The following SLC25A48 variants were observed in gnomAD, a reference collection of about 807,000 sequenced individuals.
The protein encoded by SLC25A48 is CTC-321K16.1.
SLC25A48 carries 29 observed loss-of-function variants against 32.2 expected under a neutral mutation model. That is an observed-to-expected ratio of 0.90 (90% CI 0.67 to 1.23). The LOEUF (loss-of-function observed/expected upper bound fraction) is 1.23, where lower values mean the gene tolerates loss of function less well. SLC25A48 is among the 50% of genes most tolerant of loss of function. The pLI is 0.00. For synonymous variants in SLC25A48, 164 were observed against 172.3 expected, an observed-to-expected ratio of 0.95 and a Z score of 0.38; for missense variants, 399 against 422.7, an observed-to-expected ratio of 0.94 and a Z score of 0.49.
intron 3 of SLC25A48, among the ~76,000 whole-genome samples, chr5:135,734,289 C>G (rs576162783): frequency 6.6e-6 from 1 of 152,110 alleles, no homozygotes; most frequent in Admixed American, 6.5e-5. Context: ...AGGTGTGGCT[C>G]TAGCCTAGGA....
intron 1 of SLC25A48, among the ~76,000 whole-genome samples, chr5:135,835,336 G>T (rs1025194000): frequency 1.3e-5 from 2 of 150,124 alleles, no homozygotes; most frequent in East Asian, 3.9e-4. Flanking sequence ...AGATTAGGCC[G>T]GCCCAACGGG....
rs1761635436 is a variant in SLC25A48 at position 135,871,461 on chromosome 5, C to T, written c.422C>T (p.Ala141Val). 1.9e-6 allele frequency: 3 copies of T among 1,580,718 alleles called. No individual in the cohort carries two copies. The South Asian group carries it at 3.5e-5, about 18-fold the overall frequency. ...LQMQTQPFRD[A>V]NLGLKSRAVA... is the part of the protein sequence containing the mutation. ...CACCTTCTCTCCCCTGTCTTTGCAG[C>T]CAACCTCGGTTTGAAGTCCAGGGCA... Residue 141 changes from alanine (A) to valine (V), a missense_variant and splice_region_variant, in exon 5 of 8, where the codon GCC becomes GTC. Ala to Val is a moderately conservative substitution (Grantham distance 64). Coordinates refer to ENST00000681962, the MANE Select transcript of SLC25A48 (RefSeq NM_001349336.2).
At chr5:135,598,875 C>T (rs936178470) in intron 1 of SLC25A48, among the ~76,000 whole-genome samples, 10 of 152,098 alleles carry the variant, frequency 6.6e-5, no homozygotes, top group Admixed American at 5.9e-4. Context: ...AGTCTGTGGT[C>T]GGTGGTCTCT....
chr5:135,771,425 G>A (rs572945522), intron 3 of SLC25A48, among the ~76,000 whole-genome samples: 3 of 151,670 alleles, frequency 2.0e-5, no homozygotes, highest in East Asian at 3.9e-4. Flanking sequence ...GATATGATTC[G>A]TATTATTCAG....
intron 3 of SLC25A48, among the ~76,000 whole-genome samples, chr5:135,643,558 C>T (rs1752889046): frequency 6.6e-6 from 1 of 152,222 alleles, no homozygotes; most frequent in Admixed American, 6.5e-5. Flanking sequence ...GTGACTTGCC[C>T]TCTGCCCCAC....
chr5:135,775,926 C>T (rs995647498), intron 3 of SLC25A48, among the ~76,000 whole-genome samples: 7 of 151,648 alleles, frequency 4.6e-5, no homozygotes, highest in African/African-American at 1.7e-4. Flanking sequence ...AAGTGTACAC[C>T]CCCACTGTGA....
At chr5:135,678,225 T>G (rs144036592) in intron 3 of SLC25A48, among the ~76,000 whole-genome samples, 16 of 152,328 alleles carry the variant, frequency 1.1e-4, no homozygotes, top group Admixed American at 3.9e-4. Context: ...TTCGTTTTTT[T>G]TCTTTAGTTT....
chr5:135,824,527 GCTCCCT>G (rs1757977745), intron 4 of SLC25A48: 1 of 152,362 alleles, frequency 6.6e-6, no homozygotes, highest in Non-Finnish European at 1.5e-5. Flanking sequence ...AAGCCCCTAA[GCTCCCT>G]CCACCTTTCA....
At chr5:135,801,380 G>A (rs1294049182) in intron 3 of SLC25A48, among the ~76,000 whole-genome samples, 1 of 150,856 alleles carries the variant, frequency 6.6e-6, no homozygotes, top group Non-Finnish European at 1.5e-5. Context: ...TATCGTAGGG[G>A]GTGTACTCCT....
At chr5:135,793,250 C>A (rs748849715) in intron 3 of SLC25A48, among the ~76,000 whole-genome samples, 9 of 150,544 alleles carry the variant, frequency 6.0e-5, no homozygotes, top group Non-Finnish European at 8.9e-5. Context: ...TTATTACTTT[C>A]CTAATACCAC....
At chr5:135,743,700 G>C (rs1755564667) in intron 3 of SLC25A48, among the ~76,000 whole-genome samples, 1 of 152,208 alleles carries the variant, frequency 6.6e-6, no homozygotes, top group Non-Finnish European at 1.5e-5. Flanking sequence ...ACAGACAGCT[G>C]TTACTTCCCA....
intron 3 of SLC25A48, among the ~76,000 whole-genome samples, chr5:135,810,541 T>G (rs1757568153): frequency 6.6e-6 from 1 of 152,210 alleles, no homozygotes; most frequent in Non-Finnish European, 1.5e-5. Flanking sequence ...CCTGTTTGGC[T>G]AAGCCACTGT....
At chr5:135,805,533 G>A (rs568109947) in intron 3 of SLC25A48, among the ~76,000 whole-genome samples, 5 of 151,612 alleles carry the variant, frequency 3.3e-5, no homozygotes, top group South Asian at 2.1e-4. Flanking sequence ...CACCACATGC[G>A]TTCACCCTGT....
intron 3 of SLC25A48, among the ~76,000 whole-genome samples, chr5:135,674,160 T>C (rs1361584629): frequency 6.6e-6 from 1 of 152,072 alleles, no homozygotes; most frequent in Non-Finnish European, 1.5e-5. Context: ...TTTATAATAT[T>C]TGTATATACT....
chr5:135,708,095 C>A (rs768629568), intron 3 of SLC25A48, among the ~76,000 whole-genome samples: 18 of 152,182 alleles, frequency 1.2e-4, no homozygotes, highest in Non-Finnish European at 2.1e-4. Context: ...CATGCACCCG[C>A]CAGCCTTCCA....
At chr5:135,663,264 T>C (rs1485743465) in intron 3 of SLC25A48, among the ~76,000 whole-genome samples, 1 of 152,262 alleles carries the variant, frequency 6.6e-6, no homozygotes, top group East Asian at 1.9e-4. Flanking sequence ...CCTGTAATCA[T>C]ACTTTCTGAT....
intron 4 of SLC25A48, among the ~76,000 whole-genome samples, chr5:135,860,569 A>C (rs1228259696): frequency 6.6e-6 from 1 of 152,140 alleles, no homozygotes; most frequent in African/African-American, 2.4e-5. Flanking sequence ...GATTTTTTTC[A>C]TGAGATATTT....
At chr5:135,763,943 G>A (rs1756131616) in intron 3 of SLC25A48, among the ~76,000 whole-genome samples, 1 of 152,164 alleles carries the variant, frequency 6.6e-6, no homozygotes, top group Admixed American at 6.5e-5. Flanking sequence ...CGCGATCTCA[G>A]TTCACTGCAA....
chr5:135,769,679 C>A (rs1445239773), intron 3 of SLC25A48, among the ~76,000 whole-genome samples: 1 of 150,898 alleles, frequency 6.6e-6, no homozygotes, highest in Non-Finnish European at 1.5e-5. Context: ...GGGTTGTACA[C>A]CCCCATGTGA....
Sources: gnomAD v4.1 joint callset for allele counts (sites outside exome capture counted in the v4.1 genomes callset) on GRCh38, gnomAD v4.1.1 for gene constraint, MANE v1.5 for transcripts, NCBI Gene and HGNC (gene_info 2026-07-23, HGNC 2026-07-21) for gene names.